BICDL1: variants seen among roughly 807,000 people sequenced by gnomAD.
BICDL1 encodes BICD family-like cargo adapter 1.
Under a neutral mutation model 76.8 loss-of-function variants are expected in BICDL1, and 20 were observed. The observed-to-expected ratio is 0.26, with a 90% confidence interval of 0.18 to 0.38. The LOEUF (loss-of-function observed/expected upper bound fraction) is 0.38, where lower values mean the gene tolerates loss of function less well. Ranked by LOEUF, BICDL1 falls within the 10% of genes least tolerant of loss-of-function variation. BICDL1 has a pLI of 1.00. For synonymous variants in BICDL1, 383 were observed against 337.1 expected, an observed-to-expected ratio of 1.14 and a Z score of -1.49; for missense variants, 700 against 798.6, an observed-to-expected ratio of 0.88 and a Z score of 1.49.
rs572599467 is a variant in BICDL1 at position 120,025,274 on chromosome 12, TCTC to T, written c.645+26541_645+26543del. 2.1e-4 allele frequency among the ~76,000 whole-genome samples: 32 copies of T among 152,006 alleles called. 1 individual carries two copies. In the East Asian group the frequency reaches 5.0e-3, roughly 24 times the overall value. On this transcript the variant is annotated intron_variant, in intron 2 of 9. Coordinates refer to ENST00000548673, the MANE Select transcript of BICDL1 (RefSeq NM_001367886.1). ...ACCGTGTTAGCCAGGATGGTCTTGA[TCTC>T]CTGACCTCGTGATCCGCCCTCCTTG... is the stretch of plus-strand genomic sequence containing the variant.
At chr12:120,076,153 T>A (rs1873528662) in intron 7 of BICDL1, among the ~76,000 whole-genome samples, 1 of 152,226 alleles carries the variant, frequency 6.6e-6, no homozygotes, top group Non-Finnish European at 1.5e-5. Flanking sequence ...AGTGAGACTC[T>A]GTCTCAAAAA....
At chr12:120,050,003 T>A (rs978582384) in intron 2 of BICDL1, among the ~76,000 whole-genome samples, 1 of 152,260 alleles carries the variant, frequency 6.6e-6, no homozygotes, top group Non-Finnish European at 1.5e-5. Context: ...AGCCTTCTTA[T>A]GAGTATGTAG....
Position 120,094,128 on chromosome 12 carries a change from GCTGC to G in BICDL1, c.*980_*983del, listed in dbSNP as rs768347511. The G allele has an allele frequency of 1.1e-5, 5 of 438,556 alleles. No individual in the cohort carries two copies. Among genetic ancestry groups the G allele is most frequent in the Non-Finnish European group, 1.8e-5 (4 of 216,268 alleles). The allele number at this position is 438,556 out of a possible 1,614,324, so 27.2% of individuals were successfully genotyped here. ...GGGAGGCTGCCGGAAGCCTCCAGAT[GCTGC>G]CTGCCTGCCTGCAGAAGCCTGCAGT... On this transcript the variant is annotated 3_prime_UTR_variant, in exon 10 of 10. Transcript: ENST00000548673.
chr12:120,010,944 G>A (rs1732718659), intron 2 of BICDL1, among the ~76,000 whole-genome samples: 1 of 152,186 alleles, frequency 6.6e-6, no homozygotes, highest in African/African-American at 2.4e-5. Context: ...AAGAAAAAAA[G>A]GGGTGGTATT....
chr12:120,042,730 G>A (rs1318585246), intron 2 of BICDL1, among the ~76,000 whole-genome samples: 10 of 151,716 alleles, frequency 6.6e-5, no homozygotes, highest in Non-Finnish European at 1.3e-4. Context: ...ATTTGAACCC[G>A]GGAGGCGAAG....
intron 7 of BICDL1, 61 bp from the exon 8 acceptor site, chr12:120,080,826 C>T (rs1178554011): frequency 5.1e-6 from 8 of 1,583,356 alleles, no homozygotes; most frequent in Non-Finnish European, 6.9e-6. Flanking sequence ...TTCCTTTTTC[C>T]CTCTTGGAGG....
intron 2 of BICDL1, among the ~76,000 whole-genome samples, chr12:120,009,141 C>T (rs529580615): frequency 1.3e-5 from 2 of 152,150 alleles, no homozygotes; most frequent in African/African-American, 2.4e-5. Flanking sequence ...GCACACGCCA[C>T]CACACCCAGC....
intron 2 of BICDL1, among the ~76,000 whole-genome samples, chr12:120,025,480 T>C (rs1952279507): frequency 6.6e-6 from 1 of 152,138 alleles, no homozygotes; most frequent in South Asian, 2.1e-4. Flanking sequence ...CAGAACATGG[T>C]CCCTATGTGG....
intron 2 of BICDL1, among the ~76,000 whole-genome samples, chr12:120,016,359 A>G (rs1007554141): frequency 6.6e-6 from 1 of 151,928 alleles, no homozygotes; most frequent in African/African-American, 2.4e-5. Context: ...TTCATGTACA[A>G]GTCTTTGGAC....
chr12:120,020,913 A>G (rs1952165789), intron 2 of BICDL1, among the ~76,000 whole-genome samples: 1 of 152,184 alleles, frequency 6.6e-6, no homozygotes, highest in African/African-American at 2.4e-5. Context: ...GGCTTTAGAC[A>G]GGCCTTGTGC....
chr12:120,031,266 C>T (rs1174930279), intron 2 of BICDL1, among the ~76,000 whole-genome samples: 3 of 148,238 alleles, frequency 2.0e-5, no homozygotes, highest in Non-Finnish European at 4.4e-5. Flanking sequence ...TGCAGTGGCA[C>T]AATCTCAGCT....
In BICDL1 at chr12:119,998,747, A is replaced by T. The variant is rs773932042; in HGVS notation, c.645+11A>T. On this transcript the variant is annotated intron_variant, in intron 2 of 9. Transcript: ENST00000548673. ...GATCAGCTCAGCAGGGTGAGTCACAAATTAAGAATTTAAGATGTAAAATAC... is the reference window on the plus strand; with the variant it reads ...GATCAGCTCAGCAGGGTGAGTCACATATTAAGAATTTAAGATGTAAAATAC... The T allele has an allele frequency of 5.0e-6, 8 of 1,609,878 alleles. No individual in the cohort carries two copies. Among genetic ancestry groups the T allele is most frequent in the Non-Finnish European group, 6.8e-6 (8 of 1,177,514 alleles).
chr12:119,996,427 A>G (rs769538504), intron 1 of BICDL1, among the ~76,000 whole-genome samples: 9 of 152,200 alleles, frequency 5.9e-5, no homozygotes, highest in Admixed American at 3.3e-4. Flanking sequence ...CCAGATGTGA[A>G]GTAATAGAAC....
At position 120,094,373 on chromosome 12, in the gene BICDL1, T is replaced by C. The variant is rs189786347; in HGVS notation, c.*1212T>C. Reference sequence around the variant, plus strand: ...ATTTTGTATGTAGCAATCATGTAAATACATGTATGGATTTTATAATATACA... The same window carrying C: ...ATTTTGTATGTAGCAATCATGTAAACACATGTATGGATTTTATAATATACA... On this transcript the variant is annotated 3_prime_UTR_variant, in exon 10 of 10. Transcript: ENST00000548673. 4.5e-6 allele frequency: 2 copies of C among 444,322 alleles called. No individual in the cohort carries two copies. Among genetic ancestry groups the C allele is most frequent in the Non-Finnish European group, 9.1e-6 (2 of 219,268 alleles). 27.5% of individuals were successfully genotyped at this position (444,322 alleles called of 1,614,324 possible).
chr12:120,087,771 T>A (rs1874550285), intron 8 of BICDL1, among the ~76,000 whole-genome samples: 1 of 152,158 alleles, frequency 6.6e-6, no homozygotes, highest in Non-Finnish European at 1.5e-5. Flanking sequence ...TGAACAGCCG[T>A]GATTTAGGAA....
chr12:120,017,090 G>T (rs1389845625), intron 2 of BICDL1, among the ~76,000 whole-genome samples: 3 of 152,090 alleles, frequency 2.0e-5, no homozygotes, highest in African/African-American at 7.2e-5. Flanking sequence ...TAGAGACAGG[G>T]TTTCACTGTG....
chr12:120,017,336 C>T (rs950057028), intron 2 of BICDL1, among the ~76,000 whole-genome samples: 8 of 152,192 alleles, frequency 5.3e-5, no homozygotes, highest in African/African-American at 7.2e-5. Context: ...TAAAGCAACT[C>T]GGTGTCCCCA....
intron 2 of BICDL1, among the ~76,000 whole-genome samples, chr12:120,001,042 C>G (rs1951749458): frequency 6.6e-6 from 1 of 151,284 alleles, no homozygotes; most frequent in East Asian, 2.0e-4. Flanking sequence ...TTTTGTTATC[C>G]TTTCTGGCCT....
intron 2 of BICDL1, chr12:120,057,197 T>G: frequency 2.1e-6 from 1 of 484,688 alleles, no homozygotes; most frequent in South Asian, 1.5e-5. Flanking sequence ...TGTAAGTTTG[T>G]AGAGACAGGG....
Sources: allele counts gnomAD v4.1 joint callset (sites outside exome capture counted in the v4.1 genomes callset), GRCh38; gene constraint gnomAD v4.1.1; transcripts MANE v1.5; gene names NCBI Gene and HGNC (gene_info 2026-07-23, HGNC 2026-07-21).